Variants in H2BN1 observed in about 807,000 individuals in gnomAD.
H2BN1 encodes the protein H2B.N variant histone 1, also known as histone H2B.N.
chr17:32,898,834 A>G, the H2BN1 span, among the ~76,000 whole-genome samples: 1 of 152,230 alleles, frequency 6.6e-6, no homozygotes, highest in Non-Finnish European at 1.5e-5. Context: ...GTAGGCAGGT[A>G]TGAAAGTGGC....
the H2BN1 span, among the ~76,000 whole-genome samples, chr17:32,897,534 A>G: frequency 1.3e-5 from 2 of 152,228 alleles, no homozygotes; most frequent in Non-Finnish European, 2.9e-5. Flanking sequence ...CTCTAACATT[A>G]AACAAGGACA....
the H2BN1 span, among the ~76,000 whole-genome samples, chr17:32,898,964 G>C: frequency 6.6e-6 from 1 of 152,132 alleles, no homozygotes; most frequent in African/African-American, 2.4e-5. Flanking sequence ...GGAAAGATGT[G>C]GGGGAAGAAA....
chr17:32,900,718 A>T, the H2BN1 span, among the ~76,000 whole-genome samples: 1 of 151,940 alleles, frequency 6.6e-6, no homozygotes, highest in Non-Finnish European at 1.5e-5. Context: ...AGTAGCTGGG[A>T]CTACAGGCGC....
the H2BN1 span, among the ~76,000 whole-genome samples, chr17:32,905,142 G>A: frequency 6.6e-6 from 1 of 152,192 alleles, no homozygotes; most frequent in Non-Finnish European, 1.5e-5. Context: ...CCTGCCGAGA[G>A]TGAGCTCAAA....
At chr17:32,896,923 A>C in the H2BN1 span, among the ~76,000 whole-genome samples, 1 of 152,136 alleles carries the variant, frequency 6.6e-6, no homozygotes, top group South Asian at 2.1e-4. Flanking sequence ...AGGACCCTCT[A>C]TGGGAGTACT....
At chr17:32,896,633 T>C in the H2BN1 span, among the ~76,000 whole-genome samples, 2 of 152,162 alleles carry the variant, frequency 1.3e-5, no homozygotes, top group African/African-American at 2.4e-5. Context: ...TAAGGAAAGA[T>C]GGGAGAGGAG....
the H2BN1 span, among the ~76,000 whole-genome samples, chr17:32,903,277 CT>C: frequency 1.3e-5 from 2 of 151,184 alleles, no homozygotes; most frequent in East Asian, 1.9e-4. Context: ...TCATAAAAAA[CT>C]TTTTTTTTCC....
the H2BN1 span, among the ~76,000 whole-genome samples, chr17:32,895,849 C>G: frequency 1.3e-5 from 2 of 152,194 alleles, no homozygotes; most frequent in Non-Finnish European, 2.9e-5. Flanking sequence ...ATGAATGTCT[C>G]TCTCGCTCTC....
At chr17:32,900,894 A>C in the H2BN1 span, among the ~76,000 whole-genome samples, 1 of 151,930 alleles carries the variant, frequency 6.6e-6, no homozygotes, top group Non-Finnish European at 1.5e-5. Context: ...GTTTTTAAAA[A>C]TTTTATAAGC....
At chr17:32,901,164 G>A in the H2BN1 span, among the ~76,000 whole-genome samples, 7 of 151,998 alleles carry the variant, frequency 4.6e-5, no homozygotes, top group African/African-American at 1.4e-4. Context: ...CCATTATCAC[G>A]CCACTGCACT....
chr17:32,900,236 G>A, the H2BN1 span, among the ~76,000 whole-genome samples: 607 of 152,222 alleles, frequency 4.0e-3, 4 homozygotes, highest in African/African-American at 0.013. Flanking sequence ...CCCAGATAAA[G>A]TCAAATATCA....
At chr17:32,906,481 C>T in the H2BN1 span, 1 of 152,358 alleles carries the variant, frequency 6.6e-6, no homozygotes, top group Admixed American at 6.5e-5. Flanking sequence ...AGCTGTCCTG[C>T]TGCATGAGGA....
At chr17:32,899,568 A>C in the H2BN1 span, among the ~76,000 whole-genome samples, 1 of 152,266 alleles carries the variant, frequency 6.6e-6, no homozygotes, top group African/African-American at 2.4e-5. Flanking sequence ...TCTTGGTAAA[A>C]TAACCAGTTT....
the H2BN1 span, among the ~76,000 whole-genome samples, chr17:32,904,904 G>A: frequency 1.3e-5 from 2 of 152,110 alleles, no homozygotes; most frequent in South Asian, 2.1e-4. Flanking sequence ...ATCAAGTCAT[G>A]TAAAGCTGGT....
At chr17:32,897,945 G>A in the H2BN1 span, among the ~76,000 whole-genome samples, 1 of 152,224 alleles carries the variant, frequency 6.6e-6, no homozygotes, top group African/African-American at 2.4e-5. Flanking sequence ...GGTGTTGGAC[G>A]TTAACTCCAC....
At chr17:32,899,814 C>CAATAAAGTTTTAAGTCAGAAGTCAA in the H2BN1 span, among the ~76,000 whole-genome samples, 1 of 152,138 alleles carries the variant, frequency 6.6e-6, no homozygotes, top group East Asian at 1.9e-4. Context: ...AAAGGATCAG[C>CAATAAAGTTTTAAGTCAGAAGTCAA]AATAAAGTTT....
the H2BN1 span, among the ~76,000 whole-genome samples, chr17:32,902,887 G>T: frequency 5.3e-5 from 8 of 152,048 alleles, no homozygotes; most frequent in African/African-American, 1.9e-4. Context: ...CTGTTTTTGG[G>T]CTGTGTTTAT....
chr17:32,902,547 A>T, the H2BN1 span, among the ~76,000 whole-genome samples: 1 of 152,320 alleles, frequency 6.6e-6, no homozygotes, highest in East Asian at 1.9e-4. Context: ...CTTATTAAAG[A>T]TTACACAAGT....
At chr17:32,905,630 A>C in the H2BN1 span, 1 of 152,202 alleles carries the variant, frequency 6.6e-6, no homozygotes, top group African/African-American at 2.4e-5. Context: ...TGCCCAAGGT[A>C]GTAGGGGCAC....
Sources: gnomAD v4.1 joint callset for allele counts (sites outside exome capture counted in the v4.1 genomes callset) on GRCh38, gnomAD v4.1.1 for gene constraint, MANE v1.5 for transcripts, NCBI Gene and HGNC (gene_info 2026-07-23, HGNC 2026-07-21) for gene names.